The following SNCB variants were observed in gnomAD, a reference collection of about 807,000 sequenced individuals.
SNCB encodes the protein beta-synuclein.
Under a neutral mutation model 20.0 loss-of-function variants are expected in SNCB, and 8 were observed. That is an observed-to-expected ratio of 0.40 (90% CI 0.24 to 0.72). The LOEUF (loss-of-function observed/expected upper bound fraction) is 0.72. SNCB is among the 30% of genes least tolerant of loss of function. SNCB has a pLI of 0.37. For synonymous variants in SNCB, 56 were observed against 65.4 expected (o/e 0.86, Z 0.69); for missense variants, 125 against 168.0 (o/e 0.74, Z 1.41).
rs1320467134 is a variant in SNCB, at chr5:176,626,185, G to A, written c.282+213C>T. ...CAGCCAGGTCTGGGTCCCCATCACC[G>A]GGAGCGTCACACCCATGCACGCCTT... is the stretch of plus-strand genomic sequence containing the variant. On this transcript the variant is annotated intron_variant, in intron 4 of 5. Coordinates refer to ENST00000393693, the MANE Select transcript of SNCB (RefSeq NM_003085.5). The surrounding 1 kb of genome is among the most constrained non-coding windows in gnomAD (Gnocchi z 4.2). Among the ~76,000 whole-genome samples, 2 of 152,124 alleles carry A rather than the reference G, an allele frequency of 1.3e-5. No homozygotes were observed. Among genetic ancestry groups the A allele is most frequent in the Non-Finnish European group, 1.5e-5 (1 of 68,034 alleles).
chr5:176,627,235 G>C (rs986313720), intron 2 of SNCB, among the ~76,000 whole-genome samples: 17 of 152,232 alleles, frequency 1.1e-4, no homozygotes, highest in African/African-American at 3.9e-4. Flanking sequence ...GGAGGCAGGT[G>C]GGGGTGGGAG....
chr5:176,622,250 C>T (rs911193842), intron 4 of SNCB, among the ~76,000 whole-genome samples: 1 of 152,198 alleles, frequency 6.6e-6, no homozygotes, highest in Non-Finnish European at 1.5e-5. Context: ...ATGCCAAGGC[C>T]CAGGAGGTGG....
In SNCB at chr5:176,629,422, T is replaced by G; in HGVS notation, c.121+112A>C. 8.4e-7 allele frequency: 1 copy of G among 1,197,258 alleles called. No homozygotes were observed. The highest frequency in any genetic ancestry group is 1.2e-6 in the Non-Finnish European group (1 of 837,098). 74.2% of individuals were successfully genotyped at this position (1,197,258 alleles called of 1,614,324 possible). A position where few individuals can be genotyped will look rare whatever the true frequency, so the allele number is the denominator to read the frequency against. ...TGACCCCTGCTGACCTCGCCCCATC[T>G]GCTGACTCATATTCTCCTGCCCAGA... On this transcript the variant is annotated intron_variant, in intron 2 of 5. Coordinates refer to ENST00000393693, the MANE Select transcript of SNCB (RefSeq NM_003085.5). The surrounding 1 kb of genome is among the most constrained non-coding windows in gnomAD (Gnocchi z 4.1).
rs1184621921 is a variant in SNCB, at chr5:176,626,642, C to T, written c.163+78G>A. ...TCCCGCAGAAGCCTTGGGAGTCTCC[C>T]CCGCCCCCGCCCTCTGGTTCCCGGC... is the stretch of plus-strand genomic sequence containing the variant. On this transcript the variant is annotated intron_variant, in intron 3 of 5. Transcript: ENST00000393693. This position sits in a 1 kb window ranked among gnomAD's most constrained non-coding sequence, Gnocchi z 4.2. The T allele has an allele frequency of 1.3e-6, 2 of 1,569,318 alleles. No homozygotes were observed. The highest frequency in any genetic ancestry group is 2.2e-5 in the East Asian group (1 of 44,640).
At chr5:176,628,691 C>A (rs1439689121) in intron 2 of SNCB, among the ~76,000 whole-genome samples, 3 of 152,198 alleles carry the variant, frequency 2.0e-5, no homozygotes, top group Admixed American at 6.5e-5. Context: ...CTTCAGGGAG[C>A]CACTGGATGT....
Position 176,629,564 on chromosome 5 carries a change from C to T in SNCB, c.91G>A (p.Glu31Lys). The part of the protein sequence containing the change: ...KTKQGVTEAA[E>K]KTKEGVLYVG... ...TAGAGGACGCCCTCCTTGGTCTTCTCCGCCGCCTCGGTGACCCCCTGCTTG... is the reference window on the plus strand; with the variant it reads ...TAGAGGACGCCCTCCTTGGTCTTCTTCGCCGCCTCGGTGACCCCCTGCTTG... The change falls in exon 2 of 6, where the codon GAG (glutamate) becomes AAG (lysine). Residue 31 changes from glutamate to lysine, a missense_variant. Transcript: ENST00000393693. The surrounding 1 kb of genome is among the most constrained non-coding windows in gnomAD (Gnocchi z 4.1). 1 of 1,611,462 alleles carries T rather than the reference C, an allele frequency of 6.2e-7. No individual in the cohort carries two copies. Among genetic ancestry groups the T allele is most frequent in the Non-Finnish European group, 8.5e-7 (1 of 1,178,186 alleles).
rs1760179314 is a variant in SNCB at position 176,629,320 on chromosome 5, C to T, written c.121+214G>A. Reference sequence around the variant, plus strand: ...GGTCCCTGGCCTTTCAGCTGGAGCCCCCCACCTCATCAGCCCGCCCCGTGT... The same window carrying T: ...GGTCCCTGGCCTTTCAGCTGGAGCCTCCCACCTCATCAGCCCGCCCCGTGT... On this transcript the variant is annotated intron_variant, in intron 2 of 5. Transcript: ENST00000393693. The surrounding 1 kb of genome is among the most constrained non-coding windows in gnomAD (Gnocchi z 4.1). 1.7e-6 allele frequency: 1 copy of T among 592,472 alleles called. No homozygotes were observed. Among genetic ancestry groups the T allele is most frequent in the Non-Finnish European group, 3.0e-6 (1 of 333,040 alleles). The allele number at this position is 592,472 out of a possible 1,614,324, so 36.7% of individuals were successfully genotyped here. A position where few individuals can be genotyped will look rare whatever the true frequency, so the allele number is the denominator to read the frequency against.
chr5:176,626,976 A>T lies in SNCB; in HGVS notation c.122-215T>A, dbSNP rs1003346373. On this transcript the variant is annotated intron_variant, in intron 2 of 5. Coordinates refer to ENST00000393693, the MANE Select transcript of SNCB (RefSeq NM_003085.5). The surrounding 1 kb of genome is among the most constrained non-coding windows in gnomAD (Gnocchi z 4.2). Reference sequence around the variant, plus strand: ...AAGGGTTGCAGTTCTCTCCCACCTGATGCGATACCCCACCCCTCTAGTGGA... The same window carrying T: ...AAGGGTTGCAGTTCTCTCCCACCTGTTGCGATACCCCACCCCTCTAGTGGA... 6.6e-6 allele frequency among the ~76,000 whole-genome samples: 1 copy of T among 152,002 alleles called. No individual in the cohort carries two copies. Among genetic ancestry groups the T allele is most frequent in the Non-Finnish European group, 1.5e-5 (1 of 67,972 alleles).
chr5:176,620,696 A>G lies in SNCB; in HGVS notation c.*115T>C. On this transcript the variant is annotated 3_prime_UTR_variant, in exon 6 of 6. Transcript: ENST00000393693. This position sits in a 1 kb window ranked among gnomAD's most constrained non-coding sequence, Gnocchi z 4.5. ...ACAGGCTCCGAGGGGGTTGCCTCAG[A>G]GCGGAAGGAAGATCTCGTGATTGGG... The G allele has an allele frequency of 1.2e-6, 1 of 812,572 alleles. No homozygotes were observed. The highest frequency in any genetic ancestry group is 2.2e-6 in the Non-Finnish European group (1 of 453,560). The allele number at this position is 812,572 out of a possible 1,614,324, so 50.3% of individuals were successfully genotyped here. A position where few individuals can be genotyped will look rare whatever the true frequency, so the allele number is the denominator to read the frequency against.
Position 176,629,745 on chromosome 5 carries a change from C to G in SNCB, c.-9-82G>C. On this transcript the variant is annotated intron_variant, in intron 1 of 5. Transcript: ENST00000393693. This position sits in a 1 kb window ranked among gnomAD's most constrained non-coding sequence, Gnocchi z 4.1. ...CCTCCCGCGGGACGCAGATGCCCCC[C>G]TACTCCCGAGACCGCGGCGCCCTTC... The G allele has an allele frequency of 6.5e-7, 1 of 1,532,008 alleles. No homozygotes were observed. The highest frequency in any genetic ancestry group is 1.3e-5 in the South Asian group (1 of 79,962). The allele number at this position is 1,532,008 out of a possible 1,614,324, so 94.9% of individuals were successfully genotyped here.
rs1340636199 is a variant in SNCB at position 176,620,788 on chromosome 5, C to G, written c.*23G>C. On this transcript the variant is annotated 3_prime_UTR_variant, in exon 6 of 6. Transcript: ENST00000393693. The surrounding 1 kb of genome is among the most constrained non-coding windows in gnomAD (Gnocchi z 4.5). ...CAGGGACAGGGACAGAATTGTGCTG[C>G]TGGTGGGGGCTCTCCTGGGCCCCTA... 1.2e-6 allele frequency: 2 copies of G among 1,601,936 alleles called. No homozygotes were observed. Among genetic ancestry groups the G allele is most frequent in the Non-Finnish European group, 1.7e-6 (2 of 1,168,940 alleles).
At position 176,629,455 on chromosome 5, in the gene SNCB, T is replaced by G; in HGVS notation, c.121+79A>C. The G allele has an allele frequency of 6.7e-7, 1 of 1,498,696 alleles. No individual in the cohort carries two copies. The highest frequency in any genetic ancestry group is 9.1e-7 in the Non-Finnish European group (1 of 1,093,696). The allele number at this position is 1,498,696 out of a possible 1,614,324, so 92.8% of individuals were successfully genotyped here. ...CATATTCTCCTGCCCAGAACCCCCC[T>G]CCCCGGGACCCGGCCCCAGCTCCAC... On this transcript the variant is annotated intron_variant, in intron 2 of 5. Transcript: ENST00000393693. The surrounding 1 kb of genome is among the most constrained non-coding windows in gnomAD (Gnocchi z 4.1).
Position 176,621,160 on chromosome 5 carries a change from G to T in SNCB, c.372+54C>A. On this transcript the variant is annotated intron_variant, in intron 5 of 5. Transcript: ENST00000393693. The surrounding 1 kb of genome is among the most constrained non-coding windows in gnomAD (Gnocchi z 4.1). Reference sequence around the variant, plus strand: ...GGGATGTCCCACCCCAGCTAGGGACGGCAGCAATCATCCTGGATTCCCAAA... The same window carrying T: ...GGGATGTCCCACCCCAGCTAGGGACTGCAGCAATCATCCTGGATTCCCAAA... 1 of 1,396,416 alleles carries T rather than the reference G, an allele frequency of 7.2e-7. No individual in the cohort carries two copies. Among genetic ancestry groups the T allele is most frequent in the African/African-American group, 1.4e-5 (1 of 70,998 alleles). The allele number at this position is 1,396,416 out of a possible 1,614,324, so 86.5% of individuals were successfully genotyped here.
Position 176,620,684 on chromosome 5 carries a change from G to A in SNCB, c.*127C>T. On this transcript the variant is annotated 3_prime_UTR_variant, in exon 6 of 6. Coordinates refer to ENST00000393693, the MANE Select transcript of SNCB (RefSeq NM_003085.5). This position sits in a 1 kb window ranked among gnomAD's most constrained non-coding sequence, Gnocchi z 4.5. ...ACAGACACTAACACAGGCTCCGAGG[G>A]GGTTGCCTCAGAGCGGAAGGAAGAT... is the stretch of plus-strand genomic sequence containing the variant. 1.3e-6 allele frequency: 1 copy of A among 776,772 alleles called. No homozygotes were observed. The highest frequency in any genetic ancestry group is 2.3e-6 in the Non-Finnish European group (1 of 426,602). The allele number at this position is 776,772 out of a possible 1,614,324, so 48.1% of individuals were successfully genotyped here. A position where few individuals can be genotyped will look rare whatever the true frequency, so the allele number is the denominator to read the frequency against.
chr5:176,623,056 C>CA (rs199683992), intron 4 of SNCB, among the ~76,000 whole-genome samples: 3,173 of 152,018 alleles, frequency 0.021, 125 homozygotes, highest in African/African-American at 0.073. Context: ...TACAAGAAGT[C>CA]AAAAAACACC....
At position 176,621,367 on chromosome 5, in the gene SNCB, G is replaced by T. The variant is rs1759585497; in HGVS notation, c.283-64C>A. Reference sequence around the variant, plus strand: ...GGATGCCCCCCAAATTCCCACAGTGGTAAGCTTTGGGTGGGTTGGAGTGGG... The same window carrying T: ...GGATGCCCCCCAAATTCCCACAGTGTTAAGCTTTGGGTGGGTTGGAGTGGG... On this transcript the variant is annotated intron_variant, in intron 4 of 5. Coordinates refer to ENST00000393693, the MANE Select transcript of SNCB (RefSeq NM_003085.5). This position sits in a 1 kb window ranked among gnomAD's most constrained non-coding sequence, Gnocchi z 4.1. 6.5e-6 allele frequency: 9 copies of T among 1,376,952 alleles called. No individual in the cohort carries two copies. Among genetic ancestry groups the T allele is most frequent in the Non-Finnish European group, 9.2e-6 (9 of 978,126 alleles). The allele number at this position is 1,376,952 out of a possible 1,614,324, so 85.3% of individuals were successfully genotyped here. A position where few individuals can be genotyped will look rare whatever the true frequency, so the allele number is the denominator to read the frequency against.
At chr5:176,627,430 G>A (rs1044417056) in intron 2 of SNCB, among the ~76,000 whole-genome samples, 4 of 152,248 alleles carry the variant, frequency 2.6e-5, no homozygotes, top group African/African-American at 9.6e-5. Flanking sequence ...GGGTCTAAAG[G>A]TGATGTGCAG....
In SNCB at chr5:176,629,057, G is replaced by A. The variant is rs1432718256; in HGVS notation, c.121+477C>T. On this transcript the variant is annotated intron_variant, in intron 2 of 5. Transcript: ENST00000393693. This position sits in a 1 kb window ranked among gnomAD's most constrained non-coding sequence, Gnocchi z 4.1. ...GGGGTGGGGCTTCAGAATCTATAAA[G>A]CTCCGTTCAAACCCCAGCTTCAGCA... Among the ~76,000 whole-genome samples, 2 of 152,126 alleles carry A rather than the reference G, an allele frequency of 1.3e-5. No homozygotes were observed. The highest frequency in any genetic ancestry group is 1.5e-5 in the Non-Finnish European group (1 of 68,016).
chr5:176,621,897 G>C lies in SNCB; in HGVS notation c.283-594C>G, dbSNP rs999325215. On this transcript the variant is annotated intron_variant, in intron 4 of 5. Transcript: ENST00000393693. This position sits in a 1 kb window ranked among gnomAD's most constrained non-coding sequence, Gnocchi z 4.1. ...CTGCTGCCCAGACAGGCGCAGACCAGCGGGCATGCATGTGGGCGGGCTGCC... is the reference window on the plus strand; with the variant it reads ...CTGCTGCCCAGACAGGCGCAGACCACCGGGCATGCATGTGGGCGGGCTGCC... Among the ~76,000 whole-genome samples, 1 of 152,246 alleles carries C rather than the reference G, an allele frequency of 6.6e-6. No homozygotes were observed. Among genetic ancestry groups the C allele is most frequent in the Admixed American group, 6.5e-5 (1 of 15,292 alleles).
Sources: allele counts gnomAD v4.1 joint callset (sites outside exome capture counted in the v4.1 genomes callset), GRCh38; gene constraint gnomAD v4.1.1; non-coding constraint Gnocchi (gnomAD v3.1); transcripts MANE v1.5; gene names NCBI Gene and HGNC (gene_info 2026-07-23, HGNC 2026-07-21).